CNTNAP4: variants seen among roughly 807,000 people sequenced by gnomAD.
CNTNAP4 encodes contactin-associated protein-like 4.
CNTNAP4 carries 98 observed loss-of-function variants against 148.4 expected under a neutral mutation model. That is an observed-to-expected ratio of 0.66 (90% CI 0.56 to 0.78). The LOEUF (loss-of-function observed/expected upper bound fraction) is 0.78. Among genes scored for constraint, CNTNAP4 ranks in the 30% least tolerant of loss-of-function variants. CNTNAP4 has a pLI of 0.00. For synonymous variants in CNTNAP4, 730 were observed against 565.1 expected (o/e 1.29, Z -4.14); for missense variants, 1,935 against 1,565.6 (o/e 1.24, Z -3.98).
intron 10 of CNTNAP4, among the ~76,000 whole-genome samples, chr16:76,472,073 C>T (rs2081396518): frequency 6.7e-6 from 1 of 149,738 alleles, no homozygotes; most frequent in Non-Finnish European, 1.5e-5. Flanking sequence ...TGTTCAAGTT[C>T]ACAAGCAATG....
chr16:76,455,536 AC>A (rs1376163269), intron 8 of CNTNAP4, among the ~76,000 whole-genome samples: 1 of 152,116 alleles, frequency 6.6e-6, no homozygotes, highest in African/African-American at 2.4e-5. Context: ...CGGGCTGTAA[AC>A]CTGTCACCCT....
chr16:76,322,757 T>C (rs1335850621), intron 2 of CNTNAP4, among the ~76,000 whole-genome samples: 1 of 152,218 alleles, frequency 6.6e-6, no homozygotes, highest in Non-Finnish European at 1.5e-5. Context: ...CTCATTTATA[T>C]AAAGGTAATC....
intron 4 of CNTNAP4, among the ~76,000 whole-genome samples, chr16:76,430,516 C>T (rs1297261609): frequency 6.6e-6 from 1 of 152,118 alleles, no homozygotes; most frequent in Non-Finnish European, 1.5e-5. Flanking sequence ...AGACTGTTCT[C>T]CCGAAATCCC....
chr16:76,360,883 C>G (rs2013343027), intron 3 of CNTNAP4, among the ~76,000 whole-genome samples: 1 of 141,886 alleles, frequency 7.0e-6, no homozygotes, highest in Non-Finnish European at 1.5e-5. Context: ...GTGGCACGAT[C>G]TCGGCTCACT....
chr16:76,394,834 T>G (rs1213725906), intron 3 of CNTNAP4, among the ~76,000 whole-genome samples: 1 of 152,162 alleles, frequency 6.6e-6, no homozygotes, highest in Non-Finnish European at 1.5e-5. Flanking sequence ...CCCATCTTCC[T>G]TTCTTGAAAA....
intron 4 of CNTNAP4, among the ~76,000 whole-genome samples, chr16:76,437,462 A>G (rs2079874271): frequency 1.3e-5 from 2 of 152,176 alleles, no homozygotes; most frequent in Admixed American, 1.3e-4. Flanking sequence ...GGGTCATGGC[A>G]AAAGAATTCA....
At chr16:76,347,137 TTGTG>T (rs56664519) in intron 2 of CNTNAP4, among the ~76,000 whole-genome samples, 27,146 of 149,494 alleles carry the variant, frequency 0.18, 3,094 homozygotes, top group East Asian at 0.46. Context: ...AGGCAATTGG[TTGTG>T]TGTGTGTGTG....
intron 1 of CNTNAP4, among the ~76,000 whole-genome samples, chr16:76,287,938 G>C (rs996835102): frequency 1.3e-5 from 2 of 152,088 alleles, no homozygotes; most frequent in Non-Finnish European, 2.9e-5. Context: ...TATGAACATG[G>C]CAAACAAATG....
At chr16:76,427,388 A>G in intron 3 of CNTNAP4, 64 bp from the exon 4 acceptor site, 1 of 1,412,098 alleles carries the variant, frequency 7.1e-7, no homozygotes, top group Non-Finnish European at 9.7e-7. Flanking sequence ...TAGACATTAT[A>G]GGTGACAAGC....
At chr16:76,388,863 A>G (rs1006265027) in intron 3 of CNTNAP4, among the ~76,000 whole-genome samples, 42 of 152,206 alleles carry the variant, frequency 2.8e-4, no homozygotes, top group African/African-American at 9.9e-4. Context: ...CTGTCCCAAC[A>G]TGCTCTGCTT....
chr16:76,423,507 A>G (rs1346625615), intron 3 of CNTNAP4, among the ~76,000 whole-genome samples: 1 of 152,218 alleles, frequency 6.6e-6, no homozygotes, highest in Non-Finnish European at 1.5e-5. Context: ...TATTTTTGAA[A>G]AAAGATAAAG....
At chr16:76,373,830 G>A (rs2015118711) in intron 3 of CNTNAP4, among the ~76,000 whole-genome samples, 2 of 149,870 alleles carry the variant, frequency 1.3e-5, no homozygotes, top group Non-Finnish European at 3.0e-5. Context: ...GGGAGGTGGA[G>A]GTTGCAATGA....
chr16:76,550,797 T>C (rs567386488), intron 21 of CNTNAP4, among the ~76,000 whole-genome samples: 51 of 152,304 alleles, frequency 3.3e-4, no homozygotes, highest in African/African-American at 1.1e-3. Flanking sequence ...TCCATACACA[T>C]TGATGAACTG....
At chr16:76,512,028 G>T (rs922977536) in intron 15 of CNTNAP4, among the ~76,000 whole-genome samples, 1 of 152,060 alleles carries the variant, frequency 6.6e-6, no homozygotes, top group Admixed American at 6.6e-5. Flanking sequence ...CAAGGCACAT[G>T]TCTACCTTTG....
intron 3 of CNTNAP4, among the ~76,000 whole-genome samples, chr16:76,399,588 G>C (rs2078331259): frequency 1.3e-5 from 2 of 152,106 alleles, no homozygotes; most frequent in Admixed American, 1.3e-4. Context: ...TCCAGGTTAA[G>C]GGAATTTTGG....
chr16:76,352,983 C>G (rs1472786020), intron 2 of CNTNAP4, among the ~76,000 whole-genome samples: 4 of 152,152 alleles, frequency 2.6e-5, no homozygotes, highest in Non-Finnish European at 5.9e-5. Context: ...AACAAGCCCT[C>G]TTGCTTAAAA....
rs141369295 is a variant in CNTNAP4, at chr16:76,486,474, T to C, written c.1883-3212T>C. Among the ~76,000 whole-genome samples the C allele has an allele frequency of 1.4e-3, 219 of 152,138 alleles. 1 individual carries two copies. The highest frequency in any genetic ancestry group is 3.4e-3 in the Middle Eastern group (1 of 294). The stretch of plus-strand genomic sequence containing the variant: ...GTGGAGGAGGGAAGTCACTAGAACC[T>C]CAACCAGGTAGCAGTTGCTTGTCTA... On this transcript the variant is annotated intron_variant, in intron 12 of 23. Coordinates refer to ENST00000611870, the MANE Select transcript of CNTNAP4 (RefSeq NM_033401.5).
intron 12 of CNTNAP4, among the ~76,000 whole-genome samples, chr16:76,482,448 A>G (rs13331420): frequency 0.077 from 6,574 of 85,134 alleles, 332 homozygotes; most frequent in African/African-American, 0.2. Flanking sequence ...TTTTTTTTTT[A>G]GTTTGAGATG....
intron 10 of CNTNAP4, among the ~76,000 whole-genome samples, chr16:76,472,624 T>C (rs2081415996): frequency 2.6e-5 from 4 of 152,238 alleles, no homozygotes; most frequent in Admixed American, 2.6e-4. Context: ...CCATGGTGTA[T>C]AGGTACCACA....
Sources: allele counts gnomAD v4.1 joint callset (sites outside exome capture counted in the v4.1 genomes callset), GRCh38; gene constraint gnomAD v4.1.1; transcripts MANE v1.5; gene names NCBI Gene and HGNC (gene_info 2026-07-23, HGNC 2026-07-21).